The following LRFN5 variants were observed in gnomAD, a reference collection of about 807,000 sequenced individuals.
LRFN5 encodes leucine-rich repeat and fibronectin type-III domain-containing protein 5.
Under a neutral mutation model 45.6 loss-of-function variants are expected in LRFN5, and 24 were observed. The observed-to-expected ratio is 0.53, with a 90% CI of 0.38 to 0.74. The LOEUF is 0.74. Among genes scored for constraint, LRFN5 ranks in the 30% least tolerant of loss-of-function variants. The pLI is 0.00. For missense variants in LRFN5, 776 were observed against 861.5 expected (o/e 0.90, Z 1.24); for synonymous variants, 340 against 313.8 (o/e 1.08, Z -0.88).
intron 1 of LRFN5, among the ~76,000 whole-genome samples, chr14:41,676,840 C>A (rs983334666): frequency 2.0e-5 from 3 of 152,186 alleles, no homozygotes; most frequent in Non-Finnish European, 2.9e-5. Flanking sequence ...TCATCACAGA[C>A]ATCCCTGTGG....
intron 1 of LRFN5, among the ~76,000 whole-genome samples, chr14:41,737,124 C>A (rs1884473948): frequency 6.6e-6 from 1 of 152,126 alleles, no homozygotes; most frequent in Admixed American, 6.6e-5. Context: ...GAAACTGAAT[C>A]CAGCAGCACA....
chr14:41,762,490 A>G (rs1392913199), intron 1 of LRFN5, among the ~76,000 whole-genome samples: 1 of 152,104 alleles, frequency 6.6e-6, no homozygotes, highest in Non-Finnish European at 1.5e-5. Context: ...ATATTCAATC[A>G]TTGCCTCTAA....
intron 1 of LRFN5, among the ~76,000 whole-genome samples, chr14:41,732,591 C>A (rs749242092): frequency 3.4e-4 from 51 of 151,852 alleles, no homozygotes; most frequent in Admixed American, 2.6e-4. Context: ...CAAAACGAAA[C>A]ATAAACAAAA....
chr14:41,682,950 T>G (rs1267792890), intron 1 of LRFN5, among the ~76,000 whole-genome samples: 1 of 152,034 alleles, frequency 6.6e-6, no homozygotes, highest in Non-Finnish European at 1.5e-5. Flanking sequence ...ACTTCCAAAC[T>G]CCTTCTGTGA....
chr14:41,870,729 C>T (rs1889990613), intron 2 of LRFN5, among the ~76,000 whole-genome samples: 2 of 152,242 alleles, frequency 1.3e-5, no homozygotes, highest in South Asian at 4.1e-4. Flanking sequence ...GTTGTACATA[C>T]AATACAAACT....
chr14:41,865,314 A>T (rs1889801850), intron 2 of LRFN5, among the ~76,000 whole-genome samples: 1 of 152,040 alleles, frequency 6.6e-6, no homozygotes, highest in South Asian at 2.1e-4. Flanking sequence ...ATATAAATGG[A>T]ATTGTATTAT....
intron 2 of LRFN5, among the ~76,000 whole-genome samples, chr14:41,786,732 A>G (rs1427283370): frequency 1.3e-5 from 2 of 151,918 alleles, no homozygotes; most frequent in African/African-American, 2.4e-5. Flanking sequence ...CTAGGATTCC[A>G]GTGACACTTA....
intron 1 of LRFN5, among the ~76,000 whole-genome samples, chr14:41,648,894 CTATCATG>C (rs1879949573): frequency 1.3e-5 from 2 of 152,056 alleles, no homozygotes; most frequent in Admixed American, 1.3e-4. Context: ...CTGTAAACTT[CTATCATG>C]TAATTGAAAA....
chr14:41,834,842 T>C (rs1183113666), intron 2 of LRFN5, among the ~76,000 whole-genome samples: 1 of 152,056 alleles, frequency 6.6e-6, no homozygotes, highest in Non-Finnish European at 1.5e-5. Context: ...TTCGTATTTT[T>C]TGTGGAGATG....
intron 1 of LRFN5, among the ~76,000 whole-genome samples, chr14:41,624,789 A>G (rs1431613054): frequency 6.6e-6 from 1 of 152,190 alleles, no homozygotes; most frequent in Non-Finnish European, 1.5e-5. Context: ...CAGTTTCTTC[A>G]CAGTTTACCT....
At chr14:41,724,234 T>C (rs1883839717) in intron 1 of LRFN5, among the ~76,000 whole-genome samples, 1 of 152,184 alleles carries the variant, frequency 6.6e-6, no homozygotes, top group Non-Finnish European at 1.5e-5. Context: ...CTGTATGCAC[T>C]ATCTTGCTGT....
rs17092300 is a variant in LRFN5 at position 41,890,293 on chromosome 14, G to T, written c.1386-957G>T. On this transcript the variant is annotated intron_variant, in intron 3 of 5. Transcript: ENST00000298119. ...GATTTATGCTCTGGTCAATAGCCTT[G>T]CCTTGTTCATGTTTCTAGGATAATA... 5.5e-3 allele frequency among the ~76,000 whole-genome samples: 842 copies of T among 152,290 alleles called. 6 individuals carry two copies. The highest frequency in any genetic ancestry group is 8.2e-3 in the Non-Finnish European group (555 of 68,014).
intron 1 of LRFN5, among the ~76,000 whole-genome samples, chr14:41,649,743 C>A (rs1037744197): frequency 2.0e-5 from 3 of 152,142 alleles, no homozygotes; most frequent in African/African-American, 4.8e-5. Flanking sequence ...CCAAAATTCT[C>A]CTTACCCCTG....
At position 41,787,561 on chromosome 14, in the gene LRFN5, T is replaced by C. The variant is rs371704308; in HGVS notation, c.-21+20532T>C. The stretch of plus-strand genomic sequence containing the variant: ...AATGGAAAAAAATATATCAGTCTCT[T>C]CAGTAGAGGTAGAAGCAGAAATCTC... On this transcript the variant is annotated intron_variant, in intron 2 of 5. Transcript: ENST00000298119. Among the ~76,000 whole-genome samples, 5 of 152,106 alleles carry C rather than the reference T, an allele frequency of 3.3e-5. No homozygotes were observed. The South Asian group carries it at 8.3e-4, about 25-fold the overall frequency.
chr14:41,783,346 C>T (rs1420372665), intron 2 of LRFN5, among the ~76,000 whole-genome samples: 8 of 152,092 alleles, frequency 5.3e-5, no homozygotes, highest in African/African-American at 1.9e-4. Context: ...TCCAGGTAAG[C>T]GGATGCTGTC....
chr14:41,892,337 A>G (rs978002919), intron 4 of LRFN5: 1 of 979,496 alleles, frequency 1.0e-6, no homozygotes, highest in African/African-American at 1.8e-5. Context: ...ATGTATGTAT[A>G]TGTATACTGG....
chr14:41,726,290 T>C (rs1883929720), intron 1 of LRFN5, among the ~76,000 whole-genome samples: 1 of 152,150 alleles, frequency 6.6e-6, no homozygotes, highest in African/African-American at 2.4e-5. Flanking sequence ...TTGCTTGCCT[T>C]TCCTATAAAC....
At chr14:41,757,954 C>G (rs563359356) in intron 1 of LRFN5, among the ~76,000 whole-genome samples, 17 of 152,290 alleles carry the variant, frequency 1.1e-4, no homozygotes, top group African/African-American at 3.8e-4. Context: ...AATCAATTCA[C>G]TCACTTTTTC....
intron 2 of LRFN5, among the ~76,000 whole-genome samples, chr14:41,769,527 CAT>C (rs755471016): frequency 1.3e-5 from 2 of 152,004 alleles, no homozygotes; most frequent in Non-Finnish European, 2.9e-5. Context: ...TATATATTTA[CAT>C]ATGTGTGTGT....
Sources: allele counts gnomAD v4.1 joint callset (sites outside exome capture counted in the v4.1 genomes callset), GRCh38; gene constraint gnomAD v4.1.1; transcripts MANE v1.5; gene names NCBI Gene and HGNC (gene_info 2026-07-23, HGNC 2026-07-21).